Variants in ATP9B observed in about 807,000 individuals in gnomAD.
The protein encoded by ATP9B is ATPase phospholipid transporting 9B.
In ATP9B, 110 loss-of-function variants were observed where a neutral mutation model predicts 146.1. The observed-to-expected ratio is 0.75, with a 90% CI of 0.65 to 0.88. ATP9B has a LOEUF of 0.88. Ranked by LOEUF, ATP9B falls within the 40% of genes least tolerant of loss-of-function variation. The pLI is 0.00. For missense variants in ATP9B, 1,499 were observed against 1,496.4 expected (o/e 1.00, Z -0.03); for synonymous variants, 604 against 569.7 (o/e 1.06, Z -0.86).
At chr18:79,366,431 C>T (rs867295743) in intron 26 of ATP9B, among the ~76,000 whole-genome samples, 9 of 152,196 alleles carry the variant, frequency 5.9e-5, no homozygotes, top group Non-Finnish European at 7.3e-5. Flanking sequence ...AGGCTGAAGA[C>T]AAAAAGAACT....
intron 11 of ATP9B, among the ~76,000 whole-genome samples, chr18:79,245,347 G>A (rs550566548): frequency 7.9e-5 from 12 of 152,282 alleles, no homozygotes; most frequent in African/African-American, 2.4e-4. Flanking sequence ...GGTAGCTTAC[G>A]TTATTGAAGG....
intron 1 of ATP9B, among the ~76,000 whole-genome samples, chr18:79,071,971 A>G (rs1297698041): frequency 1.3e-5 from 2 of 148,544 alleles, no homozygotes; most frequent in Non-Finnish European, 3.0e-5. Flanking sequence ...GTTGTTGTTG[A>G]AATAATGGAG....
chr18:79,133,024 T>G (rs1322012160), intron 5 of ATP9B, among the ~76,000 whole-genome samples: 1 of 152,238 alleles, frequency 6.6e-6, no homozygotes, highest in Non-Finnish European at 1.5e-5. Flanking sequence ...GCTGTTACTT[T>G]ACTTTCTTCT....
intron 26 of ATP9B, among the ~76,000 whole-genome samples, chr18:79,365,729 C>T (rs756177836): frequency 3.8e-4 from 57 of 151,674 alleles, no homozygotes; most frequent in Non-Finnish European, 7.7e-4. Flanking sequence ...TGGACGGGGA[C>T]AGCCCATGCG....
At chr18:79,336,949 T>C (rs748012850) in intron 18 of ATP9B, among the ~76,000 whole-genome samples, 27 of 152,292 alleles carry the variant, frequency 1.8e-4, no homozygotes, top group Non-Finnish European at 3.1e-4. Flanking sequence ...CTTAGAATTG[T>C]GCTTGATAAC....
rs1398254188 is a variant in ATP9B, at chr18:79,176,768, C to G, written c.779-45C>G. On this transcript the variant is annotated intron_variant, in intron 7 of 29. Transcript: ENST00000426216. The stretch of plus-strand genomic sequence containing the variant: ...GCACCTGTAGCTCAGGAAAAACCTT[C>G]TGTAACAATTCAAGAGTGGTAAATT... 3.9e-6 allele frequency: 6 copies of G among 1,538,582 alleles called. No individual in the cohort carries two copies. In the South Asian group the frequency reaches 4.5e-5, roughly 12 times the overall value.
intron 5 of ATP9B, among the ~76,000 whole-genome samples, chr18:79,129,235 G>T (rs553026900): frequency 6.6e-6 from 1 of 152,268 alleles, no homozygotes; most frequent in East Asian, 1.9e-4. Flanking sequence ...GAAGAAGCTA[G>T]GGAGGGAGTT....
intron 12 of ATP9B, among the ~76,000 whole-genome samples, chr18:79,264,293 T>C (rs1468618423): frequency 2.0e-5 from 3 of 152,216 alleles, no homozygotes; most frequent in African/African-American, 7.2e-5. Context: ...ATTTCCCAGA[T>C]TGATAATGAG....
At position 79,278,307 on chromosome 18, in the gene ATP9B, C is replaced by T. The variant is rs114009541; in HGVS notation, c.1411+1111C>T. On this transcript the variant is annotated intron_variant, in intron 13 of 29. Coordinates refer to ENST00000426216, the MANE Select transcript of ATP9B (RefSeq NM_198531.5). ...GATCGAGTGGTGCGGTAGCTTCACT[C>T]GAACTCGATGGTGGTGCAGTAGCTT... Among the ~76,000 whole-genome samples the T allele has an allele frequency of 6.9e-3, 1,044 of 152,258 alleles. 4 individuals are homozygous for T. Among genetic ancestry groups the T allele is most frequent in the African/African-American group, 0.022 (932 of 41,530 alleles).
intron 7 of ATP9B, among the ~76,000 whole-genome samples, chr18:79,170,036 G>A (rs2095045437): frequency 6.6e-6 from 1 of 152,116 alleles, no homozygotes; most frequent in Non-Finnish European, 1.5e-5. Flanking sequence ...TAATGCTTCC[G>A]TTTTGCTGCG....
At position 79,149,476 on chromosome 18, in the gene ATP9B, GA is replaced by G. The variant is rs143130419; in HGVS notation, c.727-5018del. ...AAAATGTGAAACTGCAAAACTTTTA[GA>G]AAAAAAAAATATTTAGAATCTAGGA... On this transcript the variant is annotated intron_variant, in intron 6 of 29. Transcript: ENST00000426216. Among the ~76,000 whole-genome samples, 208 of 148,218 alleles carry G rather than the reference GA, an allele frequency of 1.4e-3. 1 individual carries two copies. Among genetic ancestry groups the G allele is most frequent in the East Asian group, 1.2e-3 (6 of 5,110 alleles).
At chr18:79,264,041 C>T (rs1451226194) in intron 12 of ATP9B, among the ~76,000 whole-genome samples, 8 of 151,904 alleles carry the variant, frequency 5.3e-5, no homozygotes, top group Admixed American at 2.6e-4. Flanking sequence ...GCCGAGATCG[C>T]GCCACTGCAC....
chr18:79,329,861 C>A (rs910431401), intron 16 of ATP9B, 151 bp from the exon 17 acceptor site: 1 of 677,376 alleles, frequency 1.5e-6, no homozygotes. Flanking sequence ...TGGGCCTAGC[C>A]CTCCGCGTAG....
At chr18:79,082,274 T>G (rs970191808) in intron 1 of ATP9B, among the ~76,000 whole-genome samples, 1 of 152,242 alleles carries the variant, frequency 6.6e-6, no homozygotes, top group Admixed American at 6.5e-5. Flanking sequence ...TGTTCTTCTC[T>G]AAACTGGTTA....
intron 8 of ATP9B, among the ~76,000 whole-genome samples, chr18:79,187,246 C>T (rs999323477): frequency 7.9e-5 from 12 of 152,294 alleles, no homozygotes; most frequent in African/African-American, 1.7e-4. Context: ...ATGTGACTGA[C>T]GCACCTTAAA....
chr18:79,344,335 T>C lies in ATP9B; in HGVS notation c.2453T>C (p.Ile818Thr). ...AGGAAGCATGATTGTGCACTAGTCA[T>C]ATCTGGGGACTCTCTGGAGGTAAGG... The part of the protein sequence containing the change: ...FRRKHDCALV[I>T]SGDSLEVCLK... The change falls in exon 21 of 30, where the codon ATA (isoleucine) becomes ACA (threonine). Residue 818 changes from isoleucine to threonine, a missense_variant. Ile to Thr is a moderately conservative substitution (Grantham distance 89). Coordinates refer to ENST00000426216, the MANE Select transcript of ATP9B (RefSeq NM_198531.5). 4 of 1,614,218 alleles carry C rather than the reference T, an allele frequency of 2.5e-6. No individual in the cohort carries two copies. Among genetic ancestry groups the C allele is most frequent in the Non-Finnish European group, 3.4e-6 (4 of 1,180,036 alleles).
In ATP9B at chr18:79,374,039, T is replaced by G; in HGVS notation, c.3212T>G (p.Val1071Gly). ...TVRTWHWLMV[V>G]AEFLSLGCYV... ...CGCACGTGGCACTGGCTGATGGTGG[T>G]GGCCGAGTTCCTCAGCTTAGGCTGC... Residue 1071 changes from valine (V) to glycine (G), a missense_variant, in exon 28 of 30, where the codon GTG becomes GGG. Coordinates refer to ENST00000426216, the MANE Select transcript of ATP9B (RefSeq NM_198531.5). The G allele has an allele frequency of 6.2e-7, 1 of 1,614,216 alleles. No homozygotes were observed. The highest frequency in any genetic ancestry group is 8.5e-7 in the Non-Finnish European group (1 of 1,180,036).
intron 1 of ATP9B, among the ~76,000 whole-genome samples, chr18:79,073,639 G>T (rs569658725): frequency 1.3e-5 from 2 of 152,012 alleles, no homozygotes; most frequent in Non-Finnish European, 2.9e-5. Context: ...GACGAGGGAG[G>T]GGGGAGACCG....
At chr18:79,306,352 C>G (rs1010197273) in intron 14 of ATP9B, among the ~76,000 whole-genome samples, 4 of 152,148 alleles carry the variant, frequency 2.6e-5, no homozygotes, top group Admixed American at 1.3e-4. Context: ...CATGGCTGAG[C>G]CCGAGGAGAG....
Sources: allele counts gnomAD v4.1 joint callset (sites outside exome capture counted in the v4.1 genomes callset), GRCh38; gene constraint gnomAD v4.1.1; transcripts MANE v1.5; gene names NCBI Gene and HGNC (gene_info 2026-07-23, HGNC 2026-07-21).